The following STXBP6 variants were observed in gnomAD, a reference collection of about 807,000 sequenced individuals.
STXBP6 encodes syntaxin binding protein 6.
Under a neutral mutation model 26.9 loss-of-function variants are expected in STXBP6, and 21 were observed. The ratio of observed to expected loss-of-function variants is 0.78; its 90% confidence interval spans 0.55 to 1.12. The LOEUF (loss-of-function observed/expected upper bound fraction) is 1.12. STXBP6 is among the 50% of genes most tolerant of loss of function. STXBP6 has a pLI of 0.00. For missense variants in STXBP6, 232 were observed against 257.9 expected, an observed-to-expected ratio of 0.90 and a Z score of 0.69; for synonymous variants, 97 against 92.6, an observed-to-expected ratio of 1.05 and a Z score of -0.27.
chr14:24,959,489 T>C (rs1280269230), intron 2 of STXBP6, among the ~76,000 whole-genome samples: 5 of 152,132 alleles, frequency 3.3e-5, no homozygotes, highest in African/African-American at 7.2e-5. Context: ...TATGTTATTT[T>C]AAAAAAACAA....
intron 2 of STXBP6, among the ~76,000 whole-genome samples, chr14:24,925,070 C>T (rs184361905): frequency 6.6e-6 from 1 of 152,302 alleles, no homozygotes; most frequent in Non-Finnish European, 1.5e-5. Context: ...ACTACTCAGT[C>T]ACAAATGTAC....
chr14:25,028,360 T>G (rs1687154444), intron 1 of STXBP6, among the ~76,000 whole-genome samples: 1 of 152,184 alleles, frequency 6.6e-6, no homozygotes, highest in Non-Finnish European at 1.5e-5. Context: ...TATTTACCAT[T>G]CTGAAAATCC....
chr14:24,885,388 T>C (rs17185327), intron 2 of STXBP6, among the ~76,000 whole-genome samples: 8,954 of 152,232 alleles, frequency 0.059, 310 homozygotes, highest in East Asian at 0.11. Context: ...AGGTTTGGCA[T>C]ATCCAAAGGC....
chr14:24,969,636 G>C (rs1158724811), intron 2 of STXBP6, among the ~76,000 whole-genome samples: 1 of 152,158 alleles, frequency 6.6e-6, no homozygotes, highest in Non-Finnish European at 1.5e-5. Context: ...AGCATCTATT[G>C]TCCCTATTGA....
At chr14:24,983,514 GAA>G (rs1388521218) in intron 1 of STXBP6, among the ~76,000 whole-genome samples, 1 of 152,268 alleles carries the variant, frequency 6.6e-6, no homozygotes, top group East Asian at 1.9e-4. Context: ...TTACACTGAA[GAA>G]AAGACAGAAG....
At chr14:25,015,668 G>A (rs1000713379) in intron 1 of STXBP6, among the ~76,000 whole-genome samples, 14 of 151,944 alleles carry the variant, frequency 9.2e-5, no homozygotes, top group Non-Finnish European at 1.8e-4. Context: ...AATTGAACAT[G>A]AAAAAAGAAA....
chr14:25,012,849 T>C (rs1364239123), intron 1 of STXBP6, among the ~76,000 whole-genome samples: 1 of 152,126 alleles, frequency 6.6e-6, no homozygotes, highest in Non-Finnish European at 1.5e-5. Context: ...TCAAAGACTA[T>C]TAAGGTTATA....
intron 2 of STXBP6, among the ~76,000 whole-genome samples, chr14:24,867,717 T>A (rs2069774954): frequency 2.0e-5 from 3 of 152,160 alleles, no homozygotes; most frequent in Non-Finnish European, 4.4e-5. Flanking sequence ...TACAACACTT[T>A]TAGAAGAAAA....
intron 1 of STXBP6, among the ~76,000 whole-genome samples, chr14:24,992,679 C>A (rs1311041496): frequency 6.6e-6 from 1 of 152,138 alleles, no homozygotes; most frequent in African/African-American, 2.4e-5. Context: ...AGTTTGCTGA[C>A]CCCTGGATTA....
At chr14:24,889,648 A>C (rs2139515691) in intron 2 of STXBP6, among the ~76,000 whole-genome samples, 1 of 152,238 alleles carries the variant, frequency 6.6e-6, no homozygotes, top group South Asian at 2.1e-4. Context: ...TGTGTGTATG[A>C]ATTTGTAAAG....
chr14:24,839,596 A>T (rs1031270865), intron 4 of STXBP6, among the ~76,000 whole-genome samples: 2 of 152,202 alleles, frequency 1.3e-5, no homozygotes, highest in African/African-American at 4.8e-5. Context: ...AAAGTATGGT[A>T]ATCTTGTATA....
At chr14:25,015,710 T>C (rs1156785379) in intron 1 of STXBP6, among the ~76,000 whole-genome samples, 1 of 152,136 alleles carries the variant, frequency 6.6e-6, no homozygotes, top group African/African-American at 2.4e-5. Context: ...ATAATTGTTA[T>C]GTTTTCCACA....
At chr14:24,862,823 C>G (rs2069587271) in intron 2 of STXBP6, among the ~76,000 whole-genome samples, 1 of 152,186 alleles carries the variant, frequency 6.6e-6, no homozygotes, top group African/African-American at 2.4e-5. Flanking sequence ...GAAGGCACAG[C>G]ACTACGTCCA....
At chr14:24,877,839 GC>G (rs1236587901) in intron 2 of STXBP6, among the ~76,000 whole-genome samples, 1 of 152,060 alleles carries the variant, frequency 6.6e-6, no homozygotes, top group African/African-American at 2.4e-5. Flanking sequence ...ATTACCACTG[GC>G]CTTCTATAAG....
intron 1 of STXBP6, among the ~76,000 whole-genome samples, chr14:25,006,567 C>T (rs748182942): frequency 3.9e-5 from 6 of 152,152 alleles, no homozygotes; most frequent in East Asian, 3.9e-4. Context: ...GCCCAGAAGA[C>T]GCACCTCTGC....
chr14:25,049,243 C>T lies in STXBP6; in HGVS notation c.-33+635G>A. ...ACGTTGCCCGGCGGTGTTGGTGAGG[C>T]TCGATGCCGGCGTGCACGGCAAGCG... is the stretch of plus-strand genomic sequence containing the variant. On this transcript the variant is annotated intron_variant, in intron 1 of 5. Transcript: ENST00000323944. The surrounding 1 kb of genome is among the most constrained non-coding windows in gnomAD (Gnocchi z 5.6). 2 of 985,480 alleles carry T rather than the reference C, an allele frequency of 2.0e-6. No homozygotes were observed. The highest frequency in any genetic ancestry group is 2.4e-6 in the Non-Finnish European group (2 of 829,978). The allele number at this position is 985,480 out of a possible 1,614,324, so 61.0% of individuals were successfully genotyped here.
At chr14:24,825,258 A>C (rs1238959033) in intron 4 of STXBP6, among the ~76,000 whole-genome samples, 3 of 152,180 alleles carry the variant, frequency 2.0e-5, no homozygotes, top group Non-Finnish European at 4.4e-5. Flanking sequence ...CTGACTCCTA[A>C]GTTAAAGGAG....
chr14:24,981,839 C>A (rs1451761875), intron 1 of STXBP6, among the ~76,000 whole-genome samples: 1 of 152,148 alleles, frequency 6.6e-6, no homozygotes, highest in Non-Finnish European at 1.5e-5. Context: ...CAGTATAGCC[C>A]ATCCACCCAA....
intron 2 of STXBP6, among the ~76,000 whole-genome samples, chr14:24,958,901 A>C (rs2073430198): frequency 6.6e-6 from 1 of 152,206 alleles, no homozygotes; most frequent in Non-Finnish European, 1.5e-5. Flanking sequence ...AAGAGTCCTT[A>C]AGTATCAACA....
Sources: allele counts gnomAD v4.1 joint callset (sites outside exome capture counted in the v4.1 genomes callset), GRCh38; gene constraint gnomAD v4.1.1; non-coding constraint Gnocchi (gnomAD v3.1); transcripts MANE v1.5; gene names NCBI Gene and HGNC (gene_info 2026-07-23, HGNC 2026-07-21).